Variants in C1orf94 observed in about 807,000 individuals in gnomAD.
The protein encoded by C1orf94 is uncharacterized protein C1orf94.
A neutral mutation model predicts 53.6 loss-of-function variants in C1orf94; 45 were observed. The observed-to-expected ratio is 0.84, with a 90% CI of 0.66 to 1.08. The LOEUF (loss-of-function observed/expected upper bound fraction) is 1.08, where lower values mean the gene tolerates loss of function less well. Ranked by LOEUF, C1orf94 falls within the 50% of genes least tolerant of loss-of-function variation. The pLI is 0.00. For synonymous variants in C1orf94, 304 were observed against 296.1 expected, an observed-to-expected ratio of 1.03 and a Z score of -0.27; for missense variants, 762 against 738.9, an observed-to-expected ratio of 1.03 and a Z score of -0.36.
In C1orf94 at chr1:34,212,254, C is replaced by G; in HGVS notation, c.1569C>G (p.Arg523=). 6.2e-7 allele frequency: 1 copy of G among 1,613,574 alleles called. No homozygotes were observed. Among genetic ancestry groups the G allele is most frequent in the Non-Finnish European group, 8.5e-7 (1 of 1,179,752 alleles). ...AGCAGATGGGACAGCAGATCTTCCG[C>G]TCTTCCTACACCCCTCTGCTGAGCT... ...NPQQMGQQIF[R]SSYTPLLSYI... is the part of the protein sequence containing the mutation. The change falls in exon 6 of 7, where the codon CGC becomes CGG. Residue 523 remains arginine, a synonymous_variant. Coordinates refer to ENST00000488417, the MANE Select transcript of C1orf94 (RefSeq NM_001134734.2).
chr1:34,212,108 A>T (rs1304389479), intron 5 of C1orf94, 102 bp from the exon 6 acceptor site: 2 of 1,032,794 alleles, frequency 1.9e-6, no homozygotes, highest in African/African-American at 3.3e-5. Context: ...TGTACCCAGC[A>T]GTGACTGAGG....
rs372659410 is a variant in C1orf94 at position 34,204,565 on chromosome 1, T to C, written c.1446+2306T>C. Among the ~76,000 whole-genome samples the C allele has an allele frequency of 3.3e-5, 5 of 152,354 alleles. No homozygotes were observed. In the East Asian group the frequency reaches 9.6e-4, roughly 29 times the overall value. On this transcript the variant is annotated intron_variant, in intron 4 of 6. Transcript: ENST00000488417. ...ATTGATTCGCTGACTCCTTTACCAATATGATTCTACCCTTTCATTTTTGTG... is the reference window on the plus strand; with the variant it reads ...ATTGATTCGCTGACTCCTTTACCAACATGATTCTACCCTTTCATTTTTGTG...
intron 5 of C1orf94, among the ~76,000 whole-genome samples, chr1:34,208,527 G>A (rs1642837365): frequency 1.3e-5 from 2 of 152,190 alleles, no homozygotes; most frequent in Non-Finnish European, 2.9e-5. Flanking sequence ...GGTTATAGAT[G>A]AGGAAACCCA....
upstream of C1orf94, among the ~76,000 whole-genome samples, chr1:34,173,897 C>T (rs150730612): frequency 2.0e-5 from 3 of 152,358 alleles, no homozygotes; most frequent in Non-Finnish European, 4.4e-5. Flanking sequence ...CTATCTTCAG[C>T]ACCTCAAACA....
At chr1:34,170,306 A>C (rs1426834166) in intron 1 of C1orf94, among the ~76,000 whole-genome samples, 1 of 152,162 alleles carries the variant, frequency 6.6e-6, no homozygotes, top group Non-Finnish European at 1.5e-5. Flanking sequence ...GGGGGTTGAG[A>C]GTTTATTGAG....
intron 1 of C1orf94, among the ~76,000 whole-genome samples, chr1:34,184,177 C>G (rs1307302474): frequency 1.3e-5 from 2 of 152,180 alleles, no homozygotes; most frequent in East Asian, 3.9e-4. Flanking sequence ...GGGTGTAGTC[C>G]GCAGGTAGCA....
chr1:34,178,550 G>A (rs1205952610), intron 1 of C1orf94, among the ~76,000 whole-genome samples: 1 of 152,224 alleles, frequency 6.6e-6, no homozygotes, highest in East Asian at 1.9e-4. Flanking sequence ...GGGAGCAGCT[G>A]TCCCATTCAG....
intron 1 of C1orf94, among the ~76,000 whole-genome samples, chr1:34,187,802 C>A (rs1225514464): frequency 1.4e-5 from 2 of 138,628 alleles, no homozygotes; most frequent in East Asian, 4.8e-4. Flanking sequence ...CACCACCCAA[C>A]ACTTCTAGTT....
intron 5 of C1orf94, 90 bp from the exon 6 acceptor site, chr1:34,212,120 G>T: frequency 8.4e-7 from 1 of 1,197,478 alleles, no homozygotes; most frequent in Non-Finnish European, 1.2e-6. Flanking sequence ...TGACTGAGGA[G>T]CACAGGGGCT....
At chr1:34,195,192 C>T (rs945605249) in intron 1 of C1orf94, among the ~76,000 whole-genome samples, 3 of 152,120 alleles carry the variant, frequency 2.0e-5, no homozygotes, top group African/African-American at 4.8e-5. Context: ...AGGAGCTGGC[C>T]GGGACCAGCC....
chr1:34,210,251 C>T (rs1486338836), intron 5 of C1orf94, among the ~76,000 whole-genome samples: 1 of 152,222 alleles, frequency 6.6e-6, no homozygotes, highest in Admixed American at 6.5e-5. Context: ...CCCATAGGGT[C>T]ATGACTCCCA....
At chr1:34,183,326 C>T (rs956868125) in intron 1 of C1orf94, among the ~76,000 whole-genome samples, 4 of 152,250 alleles carry the variant, frequency 2.6e-5, no homozygotes, top group African/African-American at 9.6e-5. Context: ...TCTAAAACTT[C>T]AAAGCCTCAG....
chr1:34,215,318 G>C (rs1191672139), intron 6 of C1orf94, among the ~76,000 whole-genome samples: 1 of 152,240 alleles, frequency 6.6e-6, no homozygotes, highest in East Asian at 1.9e-4. Flanking sequence ...GAGGTAGCCA[G>C]GGCCAGACTA....
chr1:34,214,251 G>A (rs1642946804), intron 6 of C1orf94, among the ~76,000 whole-genome samples: 2 of 152,216 alleles, frequency 1.3e-5, no homozygotes, highest in African/African-American at 4.8e-5. Flanking sequence ...CAAGTGGCAA[G>A]CTGGAGGCCT....
chr1:34,213,450 T>A (rs1323476609), intron 6 of C1orf94, among the ~76,000 whole-genome samples: 1 of 152,244 alleles, frequency 6.6e-6, no homozygotes, highest in African/African-American at 2.4e-5. Context: ...CTCAGATCAT[T>A]TAATTTCCTA....
chr1:34,211,993 A>G (rs1270279383), intron 5 of C1orf94, among the ~76,000 whole-genome samples: 2 of 151,986 alleles, frequency 1.3e-5, no homozygotes, highest in African/African-American at 4.8e-5. Context: ...GTGTTTTCCC[A>G]TTTTGCAGAT....
chr1:34,182,018 A>T (rs1642317541), intron 1 of C1orf94, among the ~76,000 whole-genome samples: 1 of 152,154 alleles, frequency 6.6e-6, no homozygotes, highest in South Asian at 2.1e-4. Flanking sequence ...ACATGGCAAG[A>T]CCTCATCTCT....
chr1:34,169,417 A>G (rs895365800), intron 1 of C1orf94, among the ~76,000 whole-genome samples: 6 of 152,212 alleles, frequency 3.9e-5, no homozygotes, highest in African/African-American at 7.2e-5. Context: ...AAAAAGCCCA[A>G]TGCAGTCTAG....
upstream of C1orf94, among the ~76,000 whole-genome samples, chr1:34,175,190 A>ATTTTTT (rs10608833): frequency 7.5e-6 from 1 of 133,210 alleles, no homozygotes. Flanking sequence ...GCTGTATTTG[A>ATTTTTT]TTTTTTTTTT....
Sources: gnomAD v4.1 joint callset for allele counts (sites outside exome capture counted in the v4.1 genomes callset) on GRCh38, gnomAD v4.1.1 for gene constraint, MANE v1.5 for transcripts, NCBI Gene and HGNC (gene_info 2026-07-23, HGNC 2026-07-21) for gene names.